CNTN3: variants seen among roughly 807,000 people sequenced by gnomAD.
CNTN3 encodes the protein contactin-3.
In CNTN3, 60 loss-of-function variants were observed where a neutral mutation model predicts 119.1. The observed-to-expected ratio is 0.50, with a 90% CI of 0.41 to 0.62. CNTN3 has a LOEUF of 0.62. Among genes scored for constraint, CNTN3 ranks in the 20% least tolerant of loss-of-function variants. The pLI, the probability that CNTN3 is intolerant of heterozygous loss-of-function variation, is 0.00. For synonymous variants in CNTN3, 450 were observed against 438.7 expected (o/e 1.03, Z -0.32); for missense variants, 1,101 against 1,242.4 (o/e 0.89, Z 1.71).
chr3:74,281,576 G>A (rs1575695061), intron 20 of CNTN3, among the ~76,000 whole-genome samples: 1 of 152,056 alleles, frequency 6.6e-6, no homozygotes, highest in South Asian at 2.1e-4. Context: ...TCGAACTCCT[G>A]AGCTCAAGCA....
intron 4 of CNTN3, among the ~76,000 whole-genome samples, chr3:74,471,337 G>A (rs1055145253): frequency 2.0e-5 from 3 of 151,672 alleles, no homozygotes; most frequent in Non-Finnish European, 2.9e-5. Flanking sequence ...AGAACTTAAA[G>A]TATAATAAAA....
chr3:74,498,125 C>A (rs771572719), intron 3 of CNTN3, among the ~76,000 whole-genome samples: 15 of 151,762 alleles, frequency 9.9e-5, no homozygotes, highest in Admixed American at 2.6e-4. Context: ...TTACTGACAA[C>A]AGAAAAACAG....
Position 74,366,778 on chromosome 3 carries a change from G to GTATATATATATATATATATATATA in CNTN3, c.947-1077_947-1076insTATATATATATATATATATATATA, listed in dbSNP as rs1485995990. ...TGTGTGCGTGTGTGTGTGTGTGTGT[G>GTATATATATATATATATATATATA]TGTATATATATATATATATATATAT... On this transcript the variant is annotated intron_variant, in intron 8 of 22. Coordinates refer to ENST00000263665, the MANE Select transcript of CNTN3 (RefSeq NM_020872.3). Among the ~76,000 whole-genome samples the GTATATATATATATATATATATATA allele has an allele frequency of 3.3e-3, 136 of 40,792 alleles. 1 individual carries two copies. Among genetic ancestry groups the GTATATATATATATATATATATATA allele is most frequent in the Admixed American group, 4.2e-3 (11 of 2,604 alleles). 26.8% of individuals were successfully genotyped at this position (40,792 alleles called of 152,430 possible).
chr3:74,440,477 A>T (rs1002447774), intron 4 of CNTN3, among the ~76,000 whole-genome samples: 1 of 100,668 alleles, frequency 9.9e-6, no homozygotes, highest in African/African-American at 3.4e-5. Context: ...CTTAAAAAGC[A>T]AATAGCAAAA....
intron 1 of CNTN3, among the ~76,000 whole-genome samples, chr3:74,546,217 G>C (rs774584924): frequency 8.6e-5 from 13 of 152,006 alleles, no homozygotes; most frequent in African/African-American, 3.1e-4. Context: ...GGATTGTCTC[G>C]ATCTCTTGAC....
Position 74,490,189 on chromosome 3 carries a change from G to A in CNTN3, c.183-3558C>T, listed in dbSNP as rs548900077. ...ACATCTGACAGTAAATCACAAGTGGGTGGGTTTAATTTTTAAGCTGTAAGA... is the reference window on the plus strand; with the variant it reads ...ACATCTGACAGTAAATCACAAGTGGATGGGTTTAATTTTTAAGCTGTAAGA... On this transcript the variant is annotated intron_variant, in intron 3 of 22. Transcript: ENST00000263665. Among the ~76,000 whole-genome samples the A allele has an allele frequency of 3.9e-5, 6 of 152,258 alleles. No homozygotes were observed. The East Asian group carries it at 1.2e-3, about 29-fold the overall frequency.
At chr3:74,399,750 C>T (rs1340125366) in intron 5 of CNTN3, among the ~76,000 whole-genome samples, 3 of 152,076 alleles carry the variant, frequency 2.0e-5, no homozygotes, top group Non-Finnish European at 4.4e-5. Context: ...TAAGTAAGTA[C>T]ACTGTTGGTG....
At chr3:74,400,940 G>A (rs1432626738) in intron 5 of CNTN3, among the ~76,000 whole-genome samples, 1 of 152,114 alleles carries the variant, frequency 6.6e-6, no homozygotes, top group African/African-American at 2.4e-5. Flanking sequence ...TTTAATACTA[G>A]TTATAAGATC....
chr3:74,455,297 G>A (rs1309796857), intron 4 of CNTN3, among the ~76,000 whole-genome samples: 1 of 151,754 alleles, frequency 6.6e-6, no homozygotes, highest in East Asian at 1.9e-4. Context: ...GATCGCATCG[G>A]CTCCTGAGGC....
Position 74,361,914 on chromosome 3 carries a change from TCC to T in CNTN3, c.1338_1339del (p.Asp447CysfsTer7), listed in dbSNP as rs1422410519. On this transcript the variant is annotated frameshift_variant, in exon 11 of 23. Coordinates refer to ENST00000263665, the MANE Select transcript of CNTN3 (RefSeq NM_020872.3). LOFTEE classifies it high-confidence loss of function. ...CCTTTCATGCTCCTGCACGCTCACA[TCC>T]CCCTTCTTCCAGGAAGAGAGTGCCC... 6.2e-7 allele frequency: 1 copy of T among 1,612,988 alleles called. No homozygotes were observed. The highest frequency in any genetic ancestry group is 1.1e-5 in the South Asian group (1 of 90,948).
intron 4 of CNTN3, among the ~76,000 whole-genome samples, chr3:74,468,973 T>C (rs1043981166): frequency 1.3e-5 from 2 of 152,140 alleles, no homozygotes; most frequent in Non-Finnish European, 2.9e-5. Flanking sequence ...CTAAAGGCCA[T>C]TGTTATACTG....
chr3:74,534,347 CTTTA>C (rs1024462382), intron 1 of CNTN3, among the ~76,000 whole-genome samples: 10 of 151,992 alleles, frequency 6.6e-5, no homozygotes, highest in African/African-American at 2.4e-4. Context: ...CATATCCCCA[CTTTA>C]TTATTTTTTT....
intron 1 of CNTN3, among the ~76,000 whole-genome samples, chr3:74,589,514 G>A (rs13080456): frequency 0.26 from 37,515 of 143,918 alleles, 5,691 homozygotes; most frequent in Non-Finnish European, 0.36. Context: ...TGGTGGGACT[G>A]TAAACTAGTT....
intron 1 of CNTN3, among the ~76,000 whole-genome samples, chr3:74,606,753 G>T (rs1020989585): frequency 1.3e-5 from 2 of 152,016 alleles, no homozygotes; most frequent in Non-Finnish European, 2.9e-5. Context: ...CCCTTCACTT[G>T]TAAGTATCTT....
intron 2 of CNTN3, among the ~76,000 whole-genome samples, chr3:74,519,262 C>A (rs968057375): frequency 6.6e-6 from 1 of 151,770 alleles, no homozygotes; most frequent in Non-Finnish European, 1.5e-5. Flanking sequence ...TTCTCCCTTA[C>A]AAATCCTTAT....
At chr3:74,317,600 T>C (rs990881385) in intron 13 of CNTN3, among the ~76,000 whole-genome samples, 1 of 152,130 alleles carries the variant, frequency 6.6e-6, no homozygotes, top group Non-Finnish European at 1.5e-5. Flanking sequence ...CTTATGAAGC[T>C]TAGTTTGGCT....
intron 11 of CNTN3, among the ~76,000 whole-genome samples, chr3:74,349,463 T>A (rs1703767159): frequency 6.6e-6 from 1 of 152,128 alleles, no homozygotes; most frequent in Non-Finnish European, 1.5e-5. Flanking sequence ...GAAAAGACAT[T>A]CCAGCCAGAG....
At chr3:74,280,909 T>G (rs1009892424) in intron 20 of CNTN3, among the ~76,000 whole-genome samples, 2 of 151,988 alleles carry the variant, frequency 1.3e-5, no homozygotes, top group Admixed American at 1.3e-4. Context: ...TCAGAAAAGG[T>G]GGAGCTGCAG....
At chr3:74,499,233 C>T (rs939451773) in intron 3 of CNTN3, among the ~76,000 whole-genome samples, 1 of 151,712 alleles carries the variant, frequency 6.6e-6, no homozygotes, top group Admixed American at 6.6e-5. Flanking sequence ...ACATTTTATT[C>T]TTCCTTACTT....
Sources: gnomAD v4.1 joint callset for allele counts (sites outside exome capture counted in the v4.1 genomes callset) on GRCh38, gnomAD v4.1.1 for gene constraint, MANE v1.5 for transcripts, NCBI Gene and HGNC (gene_info 2026-07-23, HGNC 2026-07-21) for gene names.